Variants in LPAR6 observed in about 807,000 individuals in gnomAD.
The protein encoded by LPAR6 is G-protein coupled purinergic receptor P2Y5.
LPAR6 carries 17 observed loss-of-function variants against 22.0 expected under a neutral mutation model. That is an observed-to-expected ratio of 0.77 (90% CI 0.53 to 1.16). The LOEUF is 1.16. Ranked by LOEUF, LPAR6 falls within the 50% of genes most tolerant of loss-of-function variation. The probability of loss-of-function intolerance (pLI) is 0.00; values close to 1 mark genes in which losing one functional copy is unlikely to be tolerated. For synonymous variants in LPAR6, 136 were observed against 139.8 expected (o/e 0.97, Z 0.19); for missense variants, 384 against 406.9 (o/e 0.94, Z 0.48).
At chr13:48,430,765 CAAAAA>C (rs58163880), upstream of LPAR6, among the ~76,000 whole-genome samples, 500 of 150,046 alleles carry the variant, frequency 3.3e-3, 3 homozygotes, top group African/African-American at 0.01. Context: ...AACAAACAAA[CAAAAA>C]AAAAAAACAG....
chr13:48,421,482 A>G (rs1330237915), intron 2 of LPAR6, among the ~76,000 whole-genome samples: 1 of 152,228 alleles, frequency 6.6e-6, no homozygotes, highest in Non-Finnish European at 1.5e-5. Context: ...CCAAAACACC[A>G]AAAGCAATGG....
In LPAR6 at chr13:48,412,154, C is replaced by T. The variant is rs759627272; in HGVS notation, c.270G>A (p.Lys90=). 5 of 1,613,956 alleles carry T rather than the reference C, an allele frequency of 3.1e-6. No individual in the cohort carries two copies. In the South Asian group the frequency reaches 5.5e-5, roughly 18 times the overall value. The part of the protein sequence containing the change: ...RNWPFGDLLC[K]ISVMLFYTNM... ...TGGTATAAAACAGCATCACAGAAAT[C>T]TTACAAAGTAAATCTCCAAATGGCC... is the stretch of plus-strand genomic sequence containing the variant. Residue 90 remains lysine, a synonymous_variant, in exon 1 of 1, where the codon AAG becomes AAA. Coordinates refer to ENST00000620633, the MANE Select transcript of LPAR6 (RefSeq NM_001162498.3).
intron 1 of LPAR6, among the ~76,000 whole-genome samples, chr13:48,432,532 A>T (rs1949141003): frequency 6.6e-6 from 1 of 151,828 alleles, no homozygotes; most frequent in South Asian, 2.1e-4. Context: ...TTTCAGTCAC[A>T]TTCCACCCTG....
At chr13:48,416,295 G>C (rs1948908508), upstream of LPAR6, 2 of 152,254 alleles carry the variant, frequency 1.3e-5, no homozygotes, top group South Asian at 2.1e-4. Context: ...GCCAAAGCAG[G>C]GTGGGGCATC....
chr13:48,420,062 A>G lies in LPAR6; in HGVS notation c.-954+2588T>C, dbSNP rs1373858684. 3.3e-5 allele frequency among the ~76,000 whole-genome samples: 5 copies of G among 152,256 alleles called. No individual in the cohort carries two copies. The East Asian group carries it at 9.6e-4, about 29-fold the overall frequency. Reference sequence around the variant, plus strand: ...ATAAGCCAAGAATCATCCTGATACCATAACCTGCCAGAGACACAACAAAAA... The same window carrying G: ...ATAAGCCAAGAATCATCCTGATACCGTAACCTGCCAGAGACACAACAAAAA... On this transcript the variant is annotated intron_variant, in intron 2 of 4. Coordinates refer to the LPAR6 transcript ENST00000345941.
At chr13:48,397,014 TG>T (rs1948654199) in intron 1 of LPAR6, among the ~76,000 whole-genome samples, 1 of 152,158 alleles carries the variant, frequency 6.6e-6, no homozygotes, top group Non-Finnish European at 1.5e-5. Context: ...GGAGAGGCTG[TG>T]GAGTAATAGG....
downstream of LPAR6, among the ~76,000 whole-genome samples, chr13:48,406,906 C>T (rs1188406615): frequency 6.6e-6 from 1 of 152,128 alleles, no homozygotes; most frequent in Non-Finnish European, 1.5e-5. Context: ...AACAAACAAA[C>T]AAACAAACAG....
intron 1 of LPAR6, chr13:48,404,111 T>C (rs71432983): frequency 0.012 from 1,761 of 152,318 alleles, 16 homozygotes; most frequent in Non-Finnish European, 0.019. Flanking sequence ...TGAAGCCCCA[T>C]GCTGTTGTGC....
At chr13:48,403,014 C>T (rs542467403) in intron 1 of LPAR6, among the ~76,000 whole-genome samples, 2 of 152,000 alleles carry the variant, frequency 1.3e-5, no homozygotes, top group East Asian at 3.9e-4. Context: ...ACCTATGATT[C>T]ATAGGTTTTA....
intron 1 of LPAR6, among the ~76,000 whole-genome samples, chr13:48,402,132 G>A (rs1948697553): frequency 6.6e-6 from 1 of 151,972 alleles, no homozygotes; most frequent in African/African-American, 2.4e-5. Flanking sequence ...AATGAACATA[G>A]GATACACTAA....
At chr13:48,410,432 T>G (rs1449209255), downstream of LPAR6, among the ~76,000 whole-genome samples, 1 of 152,180 alleles carries the variant, frequency 6.6e-6, no homozygotes, top group African/African-American at 2.4e-5. Context: ...AAGTACACAC[T>G]GTGATGTTTG....
At chr13:48,393,063 T>C (rs1183276747) in intron 1 of LPAR6, among the ~76,000 whole-genome samples, 2 of 152,198 alleles carry the variant, frequency 1.3e-5, no homozygotes, top group Admixed American at 6.6e-5. Flanking sequence ...GAATATCCCA[T>C]ATATGACAAG....
At chr13:48,438,259 G>A (rs1169942264) in intron 1 of LPAR6, among the ~76,000 whole-genome samples, 1 of 152,120 alleles carries the variant, frequency 6.6e-6, no homozygotes, top group African/African-American at 2.4e-5. Context: ...TAACTTAGTT[G>A]TCAAAACAGC....
chr13:48,411,499 C>A lies in LPAR6; in HGVS notation c.925G>T (p.Val309Phe). The change falls in exon 1 of 1, where the codon GTC (valine) becomes TTC (phenylalanine). Residue 309 changes from valine (V) to phenylalanine (F), a missense_variant. By Grantham distance (50) the Val-to-Phe change is conservative (BLOSUM62 -1). Coordinates refer to ENST00000620633, the MANE Select transcript of LPAR6 (RefSeq NM_001162498.3). ...QNSIKMKNWS[V>F]RRSDFRFSEV... is the part of the protein sequence containing the mutation. The stretch of plus-strand genomic sequence containing the variant: ...GAGAATCTGAAGTCACTTCTCCTGA[C>A]AGACCAGTTTTTCATTTTTATTGAA... The A allele has an allele frequency of 6.2e-7, 1 of 1,612,866 alleles. No homozygotes were observed. The highest frequency in any genetic ancestry group is 8.5e-7 in the Non-Finnish European group (1 of 1,179,330).
intron 1 of LPAR6, among the ~76,000 whole-genome samples, chr13:48,392,309 C>T (rs1448355527): frequency 6.6e-6 from 1 of 152,076 alleles, no homozygotes; most frequent in Non-Finnish European, 1.5e-5. Flanking sequence ...TGGGGTTTCA[C>T]CATGCTGGCC....
chr13:48,402,560 G>T (rs1397269239), intron 1 of LPAR6, among the ~76,000 whole-genome samples: 3 of 151,568 alleles, frequency 2.0e-5, no homozygotes, highest in Non-Finnish European at 1.5e-5. Flanking sequence ...TTTATTCTTT[G>T]TAGAGACGGG....
At chr13:48,404,323 G>T (rs1378419152) in intron 1 of LPAR6, 1 of 152,092 alleles carries the variant, frequency 6.6e-6, no homozygotes, top group Non-Finnish European at 1.5e-5. Flanking sequence ...ACAAAGTATT[G>T]TACTGGTAGG....
chr13:48,424,024 C>T (rs1949045523), intron 1 of LPAR6: 1 of 152,556 alleles, frequency 6.6e-6, no homozygotes, highest in African/African-American at 2.4e-5. Context: ...AAATGTTTGC[C>T]ATGGTGAAAT....
intron 1 of LPAR6, among the ~76,000 whole-genome samples, chr13:48,443,161 T>C (rs181175725): frequency 9.9e-5 from 15 of 151,838 alleles, no homozygotes; most frequent in Non-Finnish European, 1.0e-4. Context: ...AAATATCTCC[T>C]CTTAGTCTAT....
Sources: allele counts gnomAD v4.1 joint callset (sites outside exome capture counted in the v4.1 genomes callset), GRCh38; gene constraint gnomAD v4.1.1; transcripts MANE v1.5; gene names NCBI Gene and HGNC (gene_info 2026-07-23, HGNC 2026-07-21).